DMRT1: variants seen among roughly 807,000 people sequenced by gnomAD.
DMRT1 encodes the protein doublesex and mab-3 related transcription factor 1.
In DMRT1, 7 loss-of-function variants were observed where a neutral mutation model predicts 32.3. That is an observed-to-expected ratio of 0.22 (90% confidence interval 0.12 to 0.41). The LOEUF (loss-of-function observed/expected upper bound fraction) is 0.41. Among genes scored for constraint, DMRT1 ranks in the 10% least tolerant of loss-of-function variants. DMRT1 has a pLI of 1.00. For missense variants in DMRT1, 625 were observed against 500.5 expected, an observed-to-expected ratio of 1.25 and a Z score of -2.37; for synonymous variants, 278 against 206.1, an observed-to-expected ratio of 1.35 and a Z score of -2.99.
At chr9:845,722 T>A (rs866841419) in intron 1 of DMRT1, among the ~76,000 whole-genome samples, 41 of 152,270 alleles carry the variant, frequency 2.7e-4, no homozygotes, top group Middle Eastern at 6.8e-3. Context: ...TTCTCCCGCA[T>A]GCTCCCTCCA....
chr9:874,564 A>G (rs535280303), intron 2 of DMRT1, among the ~76,000 whole-genome samples: 9 of 152,322 alleles, frequency 5.9e-5, no homozygotes, highest in Non-Finnish European at 8.8e-5. Flanking sequence ...GGCAACTGCC[A>G]TAAACTCCCT....
At chr9:880,404 C>T (rs888077015) in intron 2 of DMRT1, among the ~76,000 whole-genome samples, 5 of 152,074 alleles carry the variant, frequency 3.3e-5, no homozygotes, top group East Asian at 1.9e-4. Context: ...TCCTTCATAG[C>T]GATGAGGAAT....
At chr9:884,822 T>C (rs1816863442) in intron 2 of DMRT1, among the ~76,000 whole-genome samples, 1 of 151,946 alleles carries the variant, frequency 6.6e-6, no homozygotes, top group Non-Finnish European at 1.5e-5. Flanking sequence ...ATAGAAAAAT[T>C]AGCCAGGCAC....
intron 4 of DMRT1, among the ~76,000 whole-genome samples, chr9:925,157 G>T (rs560482869): frequency 1.3e-5 from 2 of 152,114 alleles, no homozygotes; most frequent in African/African-American, 4.8e-5. Flanking sequence ...GGTCAGCTTC[G>T]TACTCCTCCA....
At chr9:868,218 A>G (rs1299183259) in intron 2 of DMRT1, among the ~76,000 whole-genome samples, 1 of 152,190 alleles carries the variant, frequency 6.6e-6, no homozygotes, top group East Asian at 1.9e-4. Flanking sequence ...AGCTCAAGCG[A>G]TCTGCCTGTT....
At chr9:857,940 T>TA (rs1176585655) in intron 2 of DMRT1, among the ~76,000 whole-genome samples, 2 of 151,892 alleles carry the variant, frequency 1.3e-5, no homozygotes, top group Non-Finnish European at 2.9e-5. Flanking sequence ...TCCATGTCCC[T>TA]ACAAAGGACA....
At chr9:881,869 C>T (rs184221051) in intron 2 of DMRT1, among the ~76,000 whole-genome samples, 5 of 152,314 alleles carry the variant, frequency 3.3e-5, no homozygotes, top group Non-Finnish European at 7.3e-5. Context: ...TCCTCCAATC[C>T]GCTGGGAGGT....
intron 1 of DMRT1, 108 bp from the exon 2 acceptor site, chr9:846,852 C>A: frequency 7.4e-7 from 1 of 1,350,030 alleles, no homozygotes; most frequent in Non-Finnish European, 1.1e-6. Context: ...TTTCAGACCT[C>A]ACCTCCAGAG....
intron 4 of DMRT1, among the ~76,000 whole-genome samples, chr9:949,369 A>T (rs975446531): frequency 4.3e-4 from 64 of 148,822 alleles, no homozygotes; most frequent in African/African-American, 1.6e-3. Flanking sequence ...TCTCTCGGGG[A>T]AAAAAAAACC....
intron 3 of DMRT1, among the ~76,000 whole-genome samples, chr9:913,867 T>A (rs1818077039): frequency 6.6e-6 from 1 of 151,012 alleles, no homozygotes; most frequent in Non-Finnish European, 1.5e-5. Flanking sequence ...CACTCCAGCC[T>A]GGGCAACAGA....
chr9:915,961 C>G (rs935777588), intron 3 of DMRT1, among the ~76,000 whole-genome samples: 1 of 152,086 alleles, frequency 6.6e-6, no homozygotes, highest in East Asian at 1.9e-4. Flanking sequence ...TCTCGATTTC[C>G]TGACCTTGTG....
In DMRT1 at chr9:917,862, G is replaced by C. The variant is rs561294795; in HGVS notation, c.967+955G>C. ...GACTTCTATTAATATGAAATATATA[G>C]GTCACGGGAGCCTATGTAGTTTGAG... On this transcript the variant is annotated intron_variant, in intron 4 of 4. Coordinates refer to ENST00000382276, the MANE Select transcript of DMRT1 (RefSeq NM_021951.3). 3.3e-5 allele frequency among the ~76,000 whole-genome samples: 5 copies of C among 152,276 alleles called. No individual in the cohort carries two copies. In the South Asian group the frequency reaches 1.0e-3, roughly 32 times the overall value.
intron 4 of DMRT1, among the ~76,000 whole-genome samples, chr9:948,753 C>G (rs1306187633): frequency 6.6e-6 from 1 of 152,004 alleles, no homozygotes; most frequent in Non-Finnish European, 1.5e-5. Flanking sequence ...TCCTTAAAGT[C>G]TCTCCCTTTA....
intron 1 of DMRT1, among the ~76,000 whole-genome samples, chr9:846,123 C>T (rs1838893302): frequency 1.3e-5 from 2 of 151,514 alleles, no homozygotes; most frequent in Admixed American, 6.6e-5. Context: ...CCTCTGCCTC[C>T]TGGGTTCAAG....
intron 4 of DMRT1, 41 bp from the exon 5 acceptor site, chr9:967,944 C>T: frequency 2.5e-6 from 4 of 1,595,902 alleles, no homozygotes; most frequent in East Asian, 2.2e-5. Flanking sequence ...ACATTACTCC[C>T]TTTCTCCCTT....
At chr9:940,639 C>T (rs940885990) in intron 4 of DMRT1, among the ~76,000 whole-genome samples, 1 of 151,844 alleles carries the variant, frequency 6.6e-6, no homozygotes, top group Non-Finnish European at 1.5e-5. Flanking sequence ...TTGGATTTGG[C>T]GATGACTTCT....
At chr9:894,291 G>A (rs1817268093) in intron 3 of DMRT1, 96 bp downstream of exon 3, 2 of 1,382,626 alleles carry the variant, frequency 1.4e-6, no homozygotes, top group East Asian at 2.3e-5. Context: ...ACACGCACTT[G>A]TGCGCCCAGA....
intron 1 of DMRT1, among the ~76,000 whole-genome samples, chr9:846,155 C>T (rs1282760276): frequency 2.0e-5 from 3 of 151,638 alleles, no homozygotes; most frequent in Non-Finnish European, 2.9e-5. Flanking sequence ...CCTCAGCCTC[C>T]CGAGTAGCTG....
At chr9:897,391 C>G (rs919349561) in intron 3 of DMRT1, among the ~76,000 whole-genome samples, 1 of 151,932 alleles carries the variant, frequency 6.6e-6, no homozygotes, top group African/African-American at 2.4e-5. Context: ...GCTGGGATTA[C>G]AGGCGTGAGG....
Sources: gnomAD v4.1 joint callset for allele counts (sites outside exome capture counted in the v4.1 genomes callset) on GRCh38, gnomAD v4.1.1 for gene constraint, MANE v1.5 for transcripts, NCBI Gene and HGNC (gene_info 2026-07-23, HGNC 2026-07-21) for gene names.